The following ASAP1 variants were observed in gnomAD, a reference collection of about 807,000 sequenced individuals.
ASAP1 encodes ArfGAP with SH3 domain, ankyrin repeat and PH domain 1, also known as arf-GAP with SH3 domain, ANK repeat and PH domain-containing protein 1.
ASAP1 carries 43 observed loss-of-function variants against 145.2 expected under a neutral mutation model. That is an observed-to-expected ratio of 0.30 (90% CI 0.23 to 0.38). The LOEUF is 0.38. ASAP1 is among the 10% of genes least tolerant of loss of function. The pLI is 1.00. For synonymous variants in ASAP1, 546 were observed against 515.5 expected (o/e 1.06, Z -0.80); for missense variants, 1,018 against 1,355.3 (o/e 0.75, Z 3.91).
chr8:130,272,056 T>A (rs1394680908), intron 3 of ASAP1, among the ~76,000 whole-genome samples: 1 of 152,048 alleles, frequency 6.6e-6, no homozygotes, highest in East Asian at 1.9e-4. Context: ...TCCCAAATAC[T>A]GGGGAGGCTG....
intron 4 of ASAP1, among the ~76,000 whole-genome samples, chr8:130,217,551 C>T (rs931747418): frequency 6.6e-5 from 10 of 151,794 alleles, no homozygotes; most frequent in Non-Finnish European, 1.5e-4. Flanking sequence ...CACACACACA[C>T]ACACACACAG....
intron 2 of ASAP1, among the ~76,000 whole-genome samples, chr8:130,372,979 CAT>C (rs1827284910): frequency 6.6e-6 from 1 of 151,390 alleles, no homozygotes; most frequent in East Asian, 1.9e-4. Flanking sequence ...GACATACACA[CAT>C]ACGCACAGAC....
At chr8:130,128,141 T>C (rs1201966336) in intron 15 of ASAP1, 51 bp from the exon 16 acceptor site, 3 of 120,536 alleles carry the variant, frequency 2.5e-5, no homozygotes, top group Admixed American at 1.7e-4. Context: ...GCATGGTCAT[T>C]TTTTTTTTTT....
chr8:130,409,397 C>A (rs1448937261), intron 1 of ASAP1, among the ~76,000 whole-genome samples: 1 of 152,146 alleles, frequency 6.6e-6, no homozygotes, highest in Non-Finnish European at 1.5e-5. Context: ...AGCAACAAGT[C>A]CTGCCTCCCT....
intron 3 of ASAP1, among the ~76,000 whole-genome samples, chr8:130,331,605 G>C (rs1024147950): frequency 6.6e-6 from 1 of 152,056 alleles, no homozygotes; most frequent in African/African-American, 2.4e-5. Context: ...AAAAAAATAG[G>C]ACGTCCACCC....
chr8:130,389,462 T>C (rs1318710717), intron 2 of ASAP1, among the ~76,000 whole-genome samples: 1 of 152,234 alleles, frequency 6.6e-6, no homozygotes, highest in African/African-American at 2.4e-5. Context: ...GGCATGTTTA[T>C]AGGTATTACA....
At chr8:130,203,316 C>T (rs1490764038) in intron 5 of ASAP1, among the ~76,000 whole-genome samples, 4 of 152,220 alleles carry the variant, frequency 2.6e-5, no homozygotes, top group Admixed American at 6.5e-5. Flanking sequence ...CCACTGTGTA[C>T]GGCTGTGCAG....
At chr8:130,076,437 T>A (rs761614574) in intron 26 of ASAP1, 31 bp from the exon 27 acceptor site, 1 of 1,493,954 alleles carries the variant, frequency 6.7e-7, no homozygotes, top group Non-Finnish European at 9.3e-7. Flanking sequence ...ATTTAGGATC[T>A]AAAAGTGCTA....
intron 11 of ASAP1, among the ~76,000 whole-genome samples, chr8:130,165,020 G>T (rs2097677021): frequency 6.6e-6 from 1 of 152,192 alleles, no homozygotes; most frequent in Non-Finnish European, 1.5e-5. Context: ...GAAAGGAACA[G>T]GCATGTTGTG....
At chr8:130,336,454 T>A (rs879521097) in intron 3 of ASAP1, among the ~76,000 whole-genome samples, 1 of 152,230 alleles carries the variant, frequency 6.6e-6, no homozygotes, top group Non-Finnish European at 1.5e-5. Context: ...TGTATGCACA[T>A]TGAAGTTTGA....
At chr8:130,225,157 A>G (rs2136538465) in intron 4 of ASAP1, among the ~76,000 whole-genome samples, 1 of 152,280 alleles carries the variant, frequency 6.6e-6, no homozygotes, top group Non-Finnish European at 1.5e-5. Context: ...TCAGTTTGTA[A>G]GAATGTCTTG....
rs113714700 is a variant in ASAP1 at position 130,268,490 on chromosome 8, A to AACACACACACAC, written c.187-31508_187-31497dup. Among the ~76,000 whole-genome samples, 380 of 133,186 alleles carry AACACACACACAC rather than the reference A, an allele frequency of 2.9e-3. 1 individual carries two copies. Among genetic ancestry groups the AACACACACACAC allele is most frequent in the East Asian group, 0.018 (76 of 4,252 alleles). 87.4% of individuals were successfully genotyped at this position (133,186 alleles called of 152,430 possible). ...GTGACAGAGTAAGATCCCGTCTTAA[A>AACACACACACAC]ACACACACACACACACACACACACA... On this transcript the variant is annotated intron_variant, in intron 3 of 29. Transcript: ENST00000518721.
chr8:130,363,491 T>G (rs1213126422), intron 2 of ASAP1, among the ~76,000 whole-genome samples: 1 of 152,250 alleles, frequency 6.6e-6, no homozygotes, highest in Non-Finnish European at 1.5e-5. Context: ...TTAAGCCTCA[T>G]GACAACTTTA....
chr8:130,264,706 C>G (rs1392763863), intron 3 of ASAP1, among the ~76,000 whole-genome samples: 1 of 152,166 alleles, frequency 6.6e-6, no homozygotes, highest in Non-Finnish European at 1.5e-5. Flanking sequence ...TCATCCTCAA[C>G]CCATGAATAT....
intron 5 of ASAP1, among the ~76,000 whole-genome samples, chr8:130,194,549 T>C (rs576146454): frequency 6.6e-6 from 1 of 152,336 alleles, no homozygotes; most frequent in East Asian, 1.9e-4. Flanking sequence ...GAATCCTTTA[T>C]ATTAGCAGTC....
rs372096038 is a variant in ASAP1, at chr8:130,272,512, C to T, written c.187-35518G>A. ...TCCCACTACTGGGTATTTCTCCAAA[C>T]GAAAGGAAATCAGTATATAAAAGGG... On this transcript the variant is annotated intron_variant, in intron 3 of 29. Transcript: ENST00000518721. Among the ~76,000 whole-genome samples, 25 of 152,198 alleles carry T rather than the reference C, an allele frequency of 1.6e-4. 1 individual carries two copies. In the South Asian group the frequency reaches 5.0e-3, roughly 30 times the overall value.
In ASAP1 at chr8:130,118,450, C is replaced by T. The variant is rs749406293; in HGVS notation, c.1794+39G>A. 6 of 1,566,312 alleles carry T rather than the reference C, an allele frequency of 3.8e-6. No homozygotes were observed. In the South Asian group the frequency reaches 4.7e-5, roughly 12 times the overall value. On this transcript the variant is annotated intron_variant, in intron 19 of 29. Coordinates refer to ENST00000518721, the MANE Select transcript of ASAP1 (RefSeq NM_018482.4). ...TAAGTCACCTTTTAAACTGATTTTC[C>T]ACATTACTTTTTATCCAATGATTTT...
At chr8:130,122,995 A>G (rs949074381) in intron 18 of ASAP1, among the ~76,000 whole-genome samples, 1 of 152,230 alleles carries the variant, frequency 6.6e-6, no homozygotes, top group African/African-American at 2.4e-5. Flanking sequence ...AGTAAAACTT[A>G]GGTCTTATTT....
At chr8:130,403,554 C>CTTTTTTTTTTTTT (rs372481861) in intron 1 of ASAP1, among the ~76,000 whole-genome samples, 11 of 125,384 alleles carry the variant, frequency 8.8e-5, no homozygotes, top group Non-Finnish European at 1.1e-4. Flanking sequence ...TTTTCTTTTT[C>CTTTTTTTTTTTTT]TTTTTTTTTT....
Sources: gnomAD v4.1 joint callset for allele counts (sites outside exome capture counted in the v4.1 genomes callset) on GRCh38, gnomAD v4.1.1 for gene constraint, MANE v1.5 for transcripts, NCBI Gene and HGNC (gene_info 2026-07-23, HGNC 2026-07-21) for gene names.